RPS6KA6: variants seen among roughly 807,000 people sequenced by gnomAD.
The protein encoded by RPS6KA6 is ribosomal protein S6 kinase alpha-6.
In RPS6KA6, 27 loss-of-function variants were observed where a neutral mutation model predicts 65.4. That is an observed-to-expected ratio of 0.41 (90% CI 0.30 to 0.57). The LOEUF (loss-of-function observed/expected upper bound fraction) is 0.57, where lower values mean the gene tolerates loss of function less well. Among genes scored for constraint, RPS6KA6 ranks in the 20% least tolerant of loss-of-function variants. The pLI is 0.24. For synonymous variants in RPS6KA6, 190 were observed against 184.2 expected (o/e 1.03, Z -0.26); for missense variants, 486 against 555.6 (o/e 0.87, Z 1.26).
chrX:84,115,824 A>T (rs1231632903), intron 12 of RPS6KA6, among the ~76,000 whole-genome samples: 2 of 111,929 alleles, frequency 1.8e-5, no homozygotes, highest in Admixed American at 1.9e-4. Flanking sequence ...GGAGGTGGAG[A>T]TTATTATCCT....
rs1569235489 is a variant in RPS6KA6, at chrX:84,150,910, GAGAGGATATATATAGGATATATATAT to G, written c.259-2813_259-2788del. 6.6e-4 allele frequency among the ~76,000 whole-genome samples: 54 copies of G among 81,315 alleles called. 1 individual carries two copies. The highest frequency in any genetic ancestry group is 1.3e-3 in the East Asian group (3 of 2,284). The allele number at this position is 81,315 out of a possible 115,157, so 70.6% of individuals were successfully genotyped here. On this transcript the variant is annotated intron_variant, in intron 3 of 21. Coordinates refer to ENST00000262752, the MANE Select transcript of RPS6KA6 (RefSeq NM_014496.5). ...ATAGAGGATATATATAGGATATATA[GAGAGGATATATATAGGATATATATAT>G]AGAGGATATATATAGGATATATATA...
chrX:84,077,439 G>A (rs748371820), intron 20 of RPS6KA6, among the ~76,000 whole-genome samples: 1 of 111,767 alleles, frequency 8.9e-6, no homozygotes, highest in South Asian at 3.7e-4. Context: ...AAACAGAATA[G>A]GAAGTGTAGA....
intron 20 of RPS6KA6, among the ~76,000 whole-genome samples, chrX:84,069,101 G>A (rs753716908): frequency 8.9e-6 from 1 of 112,175 alleles, no homozygotes; most frequent in Middle Eastern, 4.6e-3. Context: ...AGCCCATATA[G>A]CCAAAACAAT....
chrX:84,106,338 C>T, intron 15 of RPS6KA6, 27 bp downstream of exon 15: 1 of 1,185,416 alleles, frequency 8.4e-7, no homozygotes, highest in Non-Finnish European at 1.1e-6. Context: ...ATAAAACAAA[C>T]AAGAAAGCTA....
chrX:84,169,626 C>T (rs2035649121), intron 1 of RPS6KA6, among the ~76,000 whole-genome samples: 1 of 111,255 alleles, frequency 9.0e-6, no homozygotes, highest in Admixed American at 9.6e-5. Context: ...TAGAAGTAGG[C>T]CCACATCTAA....
rs2034968362 is a variant in RPS6KA6 at position 84,135,044 on chromosome X, T to C, written c.608+60A>G. On this transcript the variant is annotated intron_variant, in intron 7 of 21. Transcript: ENST00000262752. ...ATAATATTTAAAAGATCTAACAGAG[T>C]TTGACAAAAAGCAGTTCCAGAAATA... The C allele has an allele frequency of 7.3e-6, 6 of 825,145 alleles. No homozygotes were observed. The Admixed American group carries it at 1.5e-4, about 21-fold the overall frequency. The allele number at this position is 825,145 out of a possible 1,213,427, so 68.0% of individuals were successfully genotyped here.
In RPS6KA6 at chrX:84,097,892, T is replaced by C. The variant is rs539933622; in HGVS notation, c.1777-44A>G. On this transcript the variant is annotated intron_variant, in intron 18 of 21. Coordinates refer to ENST00000262752, the MANE Select transcript of RPS6KA6 (RefSeq NM_014496.5). ...TTATATGGTGTTACTCAATATAAAC[T>C]CAATTTTCTCCCAAAGAAGTTGTTT... is the stretch of plus-strand genomic sequence containing the variant. 2.3e-4 allele frequency: 208 copies of C among 893,933 alleles called. 1 individual carries two copies. In the South Asian group the frequency reaches 5.0e-3, roughly 22 times the overall value. 73.7% of individuals were successfully genotyped at this position (893,933 alleles called of 1,213,427 possible). A position where few individuals can be genotyped will look rare whatever the true frequency, so the allele number is the denominator to read the frequency against.
At chrX:84,137,918 C>G (rs1030697893) in intron 6 of RPS6KA6, among the ~76,000 whole-genome samples, 1 of 111,593 alleles carries the variant, frequency 9.0e-6, no homozygotes, top group Admixed American at 9.5e-5. Context: ...TTTTGCTAGT[C>G]AAATGTATGA....
Position 84,065,097 on chromosome X carries a change from A to T in RPS6KA6, c.1986T>A (p.His662Gln). 1 of 1,188,268 alleles carries T rather than the reference A, an allele frequency of 8.4e-7. No individual in the cohort carries two copies. Among genetic ancestry groups the T allele is most frequent in the Non-Finnish European group, 1.1e-6 (1 of 879,882 alleles). The change falls in exon 21 of 22, where the codon CAT (histidine) becomes CAA (glutamine). Residue 662 changes from histidine (H) to glutamine (Q), a missense_variant. This residue lies in a region of RPS6KA6 where 345 missense variants were observed against 375.0 expected (regional missense o/e 0.92). Transcript: ENST00000262752. ...GCTGATGTGGGTCCATATGAAGCAT[A>T]TGGGAAAGCAAATCCTAAATTAAAA... ...ISDGAKDLLS[H>Q]MLHMDPHQRY...
intron 12 of RPS6KA6, among the ~76,000 whole-genome samples, chrX:84,109,737 C>G (rs1392170785): frequency 9.0e-6 from 1 of 110,728 alleles, no homozygotes; most frequent in Admixed American, 9.6e-5. Flanking sequence ...ACTCCAAGAA[C>G]CAGCCCATCA....
chrX:84,078,017 G>C (rs755774313), intron 20 of RPS6KA6, among the ~76,000 whole-genome samples: 66 of 111,916 alleles, frequency 5.9e-4, no homozygotes, highest in Non-Finnish European at 1.0e-3. Context: ...GAAAGAAAAA[G>C]AATAATCTTT....
At chrX:84,070,161 A>G (rs907633657) in intron 20 of RPS6KA6, among the ~76,000 whole-genome samples, 1 of 112,331 alleles carries the variant, frequency 8.9e-6, no homozygotes, top group Admixed American at 9.4e-5. Context: ...AACCAACCCA[A>G]ATGCCCATCG....
At chrX:84,107,821 A>T in intron 12 of RPS6KA6, 96 bp from the exon 13 acceptor site, 1 of 377,763 alleles carries the variant, frequency 2.6e-6, no homozygotes, top group East Asian at 4.5e-5. Context: ...ACAGTCCATA[A>T]TAGAAGACTA....
chrX:84,104,359 C>A, intron 17 of RPS6KA6, 140 bp downstream of exon 17: 1 of 324,854 alleles, frequency 3.1e-6, no homozygotes, highest in Non-Finnish European at 5.2e-6. Flanking sequence ...ATAAACTTCA[C>A]TACATTGTGA....
chrX:84,174,247 G>A (rs1399315860), intron 1 of RPS6KA6, among the ~76,000 whole-genome samples: 1 of 111,473 alleles, frequency 9.0e-6, no homozygotes, highest in East Asian at 2.8e-4. Flanking sequence ...TACTGCTTAT[G>A]AGAAATCTGA....
chrX:84,158,208 T>C (rs903396528), intron 2 of RPS6KA6, among the ~76,000 whole-genome samples: 9 of 110,857 alleles, frequency 8.1e-5, no homozygotes, highest in African/African-American at 2.9e-4. Context: ...ATATATACTT[T>C]TTAAAATGAA....
chrX:84,116,959 A>C, intron 11 of RPS6KA6, 101 bp downstream of exon 11: 1 of 509,699 alleles, frequency 2.0e-6, no homozygotes, highest in Non-Finnish European at 3.1e-6. Context: ...AATTCTACGT[A>C]TAGAAGTAAT....
At chrX:84,126,101 G>T (rs1206000641) in intron 8 of RPS6KA6, among the ~76,000 whole-genome samples, 7 of 110,953 alleles carry the variant, frequency 6.3e-5, no homozygotes, top group Non-Finnish European at 1.1e-4. Context: ...GTTGCCTACA[G>T]GAAACACACT....
chrX:84,092,187 G>A (rs768498066), intron 20 of RPS6KA6, among the ~76,000 whole-genome samples: 27 of 110,398 alleles, frequency 2.4e-4, no homozygotes, highest in African/African-American at 8.9e-4. Context: ...ATGTTTCCCA[G>A]AACTTAAAAT....
Sources: allele counts gnomAD v4.1 joint callset (sites outside exome capture counted in the v4.1 genomes callset), GRCh38; gene constraint gnomAD v4.1.1; regional missense constraint gnomAD v4.1.1; transcripts MANE v1.5; gene names NCBI Gene and HGNC (gene_info 2026-07-23, HGNC 2026-07-21).